Variants in MTMR10 observed in about 807,000 individuals in gnomAD.
MTMR10 encodes the protein myotubularin-related protein 10.
MTMR10 carries 56 observed loss-of-function variants against 88.1 expected under a neutral mutation model. The ratio of observed to expected loss-of-function variants is 0.64; its 90% CI spans 0.51 to 0.79. The LOEUF (loss-of-function observed/expected upper bound fraction) is 0.79, where lower values mean the gene tolerates loss of function less well. MTMR10 is among the 30% of genes least tolerant of loss of function. MTMR10 has a pLI of 0.00. For missense variants in MTMR10, 883 were observed against 924.7 expected (o/e 0.95, Z 0.58); for synonymous variants, 380 against 340.9 (o/e 1.11, Z -1.26).
chr15:30,984,221 G>A (rs143691050), intron 2 of MTMR10, among the ~76,000 whole-genome samples: 10 of 152,264 alleles, frequency 6.6e-5, no homozygotes, highest in Admixed American at 1.3e-4. Flanking sequence ...GTTCATGAAC[G>A]GTGTTGACAA....
Position 30,983,785 on chromosome 15 carries a change from T to C in MTMR10, c.122-6830A>G, listed in dbSNP as rs541954140. 3.9e-5 allele frequency among the ~76,000 whole-genome samples: 6 copies of C among 152,328 alleles called. No homozygotes were observed. The East Asian group carries it at 1.2e-3, about 29-fold the overall frequency. ...ACAAGCTGGTCACCCTAGCTTTAGGTAAATTCAGGAATTAAAGTGGCTCAA... is the reference window on the plus strand; with the variant it reads ...ACAAGCTGGTCACCCTAGCTTTAGGCAAATTCAGGAATTAAAGTGGCTCAA... On this transcript the variant is annotated intron_variant, in intron 2 of 15. Transcript: ENST00000435680.
chr15:30,977,447 T>G (rs1157183431), intron 2 of MTMR10, among the ~76,000 whole-genome samples: 1 of 152,268 alleles, frequency 6.6e-6, no homozygotes, highest in Non-Finnish European at 1.5e-5. Flanking sequence ...AGTTTCCTTC[T>G]GCACTCAGAT....
chr15:30,938,291 C>T (rs2062924152), downstream of MTMR10, among the ~76,000 whole-genome samples: 2 of 152,240 alleles, frequency 1.3e-5, no homozygotes, highest in African/African-American at 2.4e-5. Context: ...GCCCTATACA[C>T]ATTTAGCTGT....
At chr15:30,933,790 C>T in the MTMR10 span, among the ~76,000 whole-genome samples, 5 of 151,292 alleles carry the variant, frequency 3.3e-5, no homozygotes, top group Non-Finnish European at 7.4e-5. Flanking sequence ...GACAGACTCT[C>T]ACTATCACCT....
At chr15:30,931,944 C>T in the MTMR10 span, among the ~76,000 whole-genome samples, 11 of 149,654 alleles carry the variant, frequency 7.4e-5, no homozygotes, top group South Asian at 1.3e-3. Context: ...CAGCTGAGGC[C>T]GGGTACGGTG....
chr15:30,937,130 TA>T, downstream of MTMR10: 1 of 1,609,062 alleles, frequency 6.2e-7, no homozygotes. Context: ...TGGTGGAAGT[TA>T]AAGGCCCCAA....
intron 9 of MTMR10, among the ~76,000 whole-genome samples, chr15:30,958,510 A>T (rs571719840): frequency 6.6e-6 from 1 of 152,320 alleles, no homozygotes; most frequent in South Asian, 2.1e-4. Flanking sequence ...AAATGTGTAG[A>T]CCTAAATAAG....
chr15:30,946,897 AG>A (rs778219567), intron 14 of MTMR10: 2 of 606,378 alleles, frequency 3.3e-6, no homozygotes, highest in African/African-American at 3.7e-5. Context: ...ACATCTTTAA[AG>A]GGGTTTACTA....
chr15:30,936,732 T>C (rs2062864762), downstream of MTMR10, among the ~76,000 whole-genome samples: 1 of 152,220 alleles, frequency 6.6e-6, no homozygotes, highest in East Asian at 1.9e-4. Flanking sequence ...TTAAATGTGC[T>C]CAGAATGTGT....
chr15:30,943,165 T>C, intron 14 of MTMR10, 93 bp from the exon 15 acceptor site: 1 of 1,464,812 alleles, frequency 6.8e-7, no homozygotes, highest in Non-Finnish European at 9.0e-7. Context: ...ACAGGTTAAA[T>C]GTTCTGTACT....
At chr15:30,937,231 G>C, downstream of MTMR10, 1 of 1,613,928 alleles carries the variant, frequency 6.2e-7, no homozygotes, top group Non-Finnish European at 8.5e-7. Context: ...GTTGCAGTTG[G>C]AGCTAAGAGC....
chr15:30,953,446 G>T, intron 11 of MTMR10, 116 bp downstream of exon 11: 1 of 732,358 alleles, frequency 1.4e-6, no homozygotes, highest in South Asian at 2.0e-5. Context: ...TTACTATTGG[G>T]GGAAGTTGGA....
the MTMR10 span, chr15:30,920,678 C>A: frequency 2.2e-6 from 3 of 1,351,548 alleles, no homozygotes; most frequent in Non-Finnish European, 3.1e-6. Flanking sequence ...CCCTGCCCCC[C>A]ACCATTACTG....
chr15:30,925,419 T>G, the MTMR10 span: 1 of 934,038 alleles, frequency 1.1e-6, no homozygotes, highest in Admixed American at 2.7e-5. Flanking sequence ...AAAACTCGTT[T>G]TGGACGGCTG....
Position 30,960,926 on chromosome 15 carries a change from C to T in MTMR10, c.713G>A (p.Gly238Glu). ...CTCGTTAATAGAACAAACTCTCCAC[C>T]CGGAAGCACCTGTCCTCTTGATTTC... ...DREIKRTGAS[G>E]WRVCSINEGY... The change falls in exon 7 of 16, where the codon GGG becomes GAG. Residue 238 changes from glycine (G) to glutamate (E), a missense_variant. By Grantham distance (98) the Gly-to-Glu change is moderately conservative (BLOSUM62 -2). Coordinates refer to ENST00000435680, the MANE Select transcript of MTMR10 (RefSeq NM_017762.3). 6.2e-7 allele frequency: 1 copy of T among 1,612,624 alleles called. No individual in the cohort carries two copies. The highest frequency in any genetic ancestry group is 1.7e-5 in the Admixed American group (1 of 59,928).
the MTMR10 span, chr15:30,926,851 A>G: frequency 1.0e-6 from 1 of 985,414 alleles, no homozygotes; most frequent in Non-Finnish European, 1.2e-6. Flanking sequence ...TTTTTCCCTG[A>G]TTAAAATCGA....
intron 5 of MTMR10, 68 bp from the exon 6 acceptor site, chr15:30,968,078 C>T: frequency 8.8e-7 from 1 of 1,133,154 alleles, no homozygotes; most frequent in South Asian, 1.4e-5. Flanking sequence ...ACAATAAGGC[C>T]TTGGGCACTG....
intron 11 of MTMR10, among the ~76,000 whole-genome samples, 175 bp from the exon 12 acceptor site, chr15:30,952,213 G>A (rs1566950446): frequency 6.6e-6 from 1 of 152,208 alleles, no homozygotes; most frequent in Non-Finnish European, 1.5e-5. Context: ...CCTAAACTGA[G>A]ACTGTGTGGC....
chr15:30,963,257 G>A (rs2063427385), intron 6 of MTMR10, among the ~76,000 whole-genome samples: 1 of 152,140 alleles, frequency 6.6e-6, no homozygotes, highest in Admixed American at 6.5e-5. Context: ...AGATTACGGA[G>A]GGGCTATGTT....
Sources: gnomAD v4.1 joint callset for allele counts (sites outside exome capture counted in the v4.1 genomes callset) on GRCh38, gnomAD v4.1.1 for gene constraint, MANE v1.5 for transcripts, NCBI Gene and HGNC (gene_info 2026-07-23, HGNC 2026-07-21) for gene names.